DNASE1: variants seen among roughly 807,000 people sequenced by gnomAD.
DNASE1 encodes the protein deoxyribonuclease 1, also known as deoxyribonuclease-1.
DNASE1 carries 40 observed loss-of-function variants against 33.9 expected under a neutral mutation model. The ratio of observed to expected loss-of-function variants is 1.18; its 90% CI spans 0.92 to 1.54. The LOEUF is 1.54. DNASE1 is among the 40% of genes most tolerant of loss of function. The pLI is 0.00. For synonymous variants in DNASE1, 216 were observed against 160.0 expected, an observed-to-expected ratio of 1.35 and a Z score of -2.64; for missense variants, 518 against 372.6, an observed-to-expected ratio of 1.39 and a Z score of -3.21.
intron 1 of DNASE1, among the ~76,000 whole-genome samples, chr16:3,625,228 C>T (rs369382445): frequency 6.6e-6 from 1 of 152,138 alleles, no homozygotes; most frequent in Admixed American, 6.6e-5. Context: ...ATTGCTTGAG[C>T]CCTGGAGGCA....
chr16:3,630,724 A>T (rs924845067), intron 1 of DNASE1, among the ~76,000 whole-genome samples: 2 of 151,818 alleles, frequency 1.3e-5, no homozygotes, highest in African/African-American at 2.4e-5. Flanking sequence ...GTGTCTTTGG[A>T]TCTAAAGTGA....
At chr16:3,643,186 G>A (rs2042072865) in intron 1 of DNASE1, 2 of 152,864 alleles carry the variant, frequency 1.3e-5, no homozygotes, top group Non-Finnish European at 2.9e-5. Flanking sequence ...CCAAGATAGG[G>A]GCTCAGGGCT....
upstream of DNASE1, among the ~76,000 whole-genome samples, chr16:3,642,650 T>C (rs1373224234): frequency 6.6e-6 from 1 of 152,094 alleles, no homozygotes; most frequent in African/African-American, 2.4e-5. Flanking sequence ...GAGTGAGATG[T>C]GATTCGTGGT....
At position 3,624,755 on chromosome 16, in the gene DNASE1, A is replaced by G. The variant is rs909914477; in HGVS notation, c.-1359+12749A>G. 2.6e-5 allele frequency among the ~76,000 whole-genome samples: 4 copies of G among 152,308 alleles called. No homozygotes were observed. The South Asian group carries it at 8.3e-4, about 32-fold the overall frequency. On this transcript the variant is annotated intron_variant and NMD_transcript_variant, in intron 1 of 11. Transcript: ENST00000570769. The stretch of plus-strand genomic sequence containing the variant: ...GAGTGCAGTAGTGGGAACTTGGGTC[A>G]CTGCATCCTCTGCCTCCCAGGCTCA...
downstream of DNASE1, chr16:3,661,938 G>C (rs757319468): frequency 6.5e-7 from 1 of 1,539,746 alleles, no homozygotes; most frequent in Admixed American, 1.9e-5. Context: ...ACCACACACA[G>C]GATTCTGGGG....
chr16:3,655,862 A>AT lies in DNASE1; in HGVS notation c.162dup (p.Asp55Ter), dbSNP rs759684693. The stretch of plus-strand genomic sequence containing the variant: ...CCCTGCCCCCAGATCCTGAGCCGCT[A>AT]TGACATCGCCCTGGTCCAGGAGGTC... On this transcript the variant is annotated frameshift_variant, in exon 3 of 9. Transcript: ENST00000246949. LOFTEE classifies it high-confidence loss of function. 1.9e-6 allele frequency: 3 copies of AT among 1,613,346 alleles called. No homozygotes were observed. The highest frequency in any genetic ancestry group is 1.3e-5 in the African/African-American group (1 of 74,912).
At position 3,656,979 on chromosome 16, in the gene DNASE1, C is replaced by A. The variant is rs149357200; in HGVS notation, c.437-20C>A. On this transcript the variant is annotated intron_variant, in intron 5 of 8. Coordinates refer to ENST00000246949, the MANE Select transcript of DNASE1 (RefSeq NM_005223.4). ...CTGCCCCCAGGGAGTGTGCCTCACA[C>A]GACGTGGCTGTCTCCACAGAGGTCA... The A allele has an allele frequency of 8.7e-6, 14 of 1,611,190 alleles. No individual in the cohort carries two copies. The highest frequency in any genetic ancestry group is 1.2e-5 in the Non-Finnish European group (14 of 1,179,050).
At chr16:3,617,275 G>A (rs1490408005) in intron 1 of DNASE1, among the ~76,000 whole-genome samples, 2 of 132,968 alleles carry the variant, frequency 1.5e-5, no homozygotes, top group Non-Finnish European at 3.1e-5. Flanking sequence ...GCGGTGAGCC[G>A]AGATCGCACC....
rs558935283 is a variant in DNASE1 at position 3,663,953 on chromosome 16, C to T, written c.*6000C>T. 35 of 347,712 alleles carry T rather than the reference C, an allele frequency of 1.0e-4. No homozygotes were observed. In the East Asian group the frequency reaches 1.3e-3, roughly 13 times the overall value. 21.5% of individuals were successfully genotyped at this position (347,712 alleles called of 1,614,324 possible). A position where few individuals can be genotyped will look rare whatever the true frequency, so the allele number is the denominator to read the frequency against. On this transcript the variant is annotated 3_prime_UTR_variant, in exon 10 of 10. Transcript: ENST00000407479. ...TGGTGTGCACCTGTAGTCCCAGCTACTCAGGAGGCTGAGGCAGGAGAATGA... is the reference window on the plus strand; with the variant it reads ...TGGTGTGCACCTGTAGTCCCAGCTATTCAGGAGGCTGAGGCAGGAGAATGA...
chr16:3,628,703 C>T (rs1267229301), intron 1 of DNASE1, among the ~76,000 whole-genome samples: 2 of 151,174 alleles, frequency 1.3e-5, no homozygotes, highest in South Asian at 2.1e-4. Context: ...GGACTATAGG[C>T]GCCCGCCACC....
At position 3,616,546 on chromosome 16, in the gene DNASE1, A is replaced by G. The variant is rs187292007; in HGVS notation, c.-1359+4540A>G. On this transcript the variant is annotated intron_variant and NMD_transcript_variant, in intron 1 of 11. Coordinates refer to the DNASE1 transcript ENST00000570769. ...TGAGGCGGGAGAATCCCTTGAACCCAGGAGATGGAGGTTGCAGTGATCCAA... is the reference window on the plus strand; with the variant it reads ...TGAGGCGGGAGAATCCCTTGAACCCGGGAGATGGAGGTTGCAGTGATCCAA... Among the ~76,000 whole-genome samples the G allele has an allele frequency of 9.4e-3, 1,437 of 152,308 alleles. 8 individuals are homozygous for G. The highest frequency in any genetic ancestry group is 0.014 in the Non-Finnish European group (946 of 68,012).
At chr16:3,662,193 A>ATCTT, downstream of DNASE1, 1 of 1,568,158 alleles carries the variant, frequency 6.4e-7, no homozygotes, top group Admixed American at 1.8e-5. Flanking sequence ...GGCTGGCAGG[A>ATCTT]TCTTACCAGG....
chr16:3,639,282 C>T (rs1039060470), upstream of DNASE1, among the ~76,000 whole-genome samples: 1 of 152,202 alleles, frequency 6.6e-6, no homozygotes, highest in South Asian at 2.1e-4. Flanking sequence ...TTGCTTACAG[C>T]TGTCTGTGAC....
chr16:3,664,163 G>A, exon 10 of DNASE1: 1 of 1,219,998 alleles, frequency 8.2e-7, no homozygotes, highest in Non-Finnish European at 1.1e-6. Context: ...CTGACCCACT[G>A]TGCAGCCCTG....
upstream of DNASE1, chr16:3,653,804 CTCAAAAAA>C (rs2042422083): frequency 1.6e-5 from 1 of 61,824 alleles, no homozygotes; most frequent in Non-Finnish European, 2.5e-5. Context: ...AAGATTCCGC[CTCAAAAAA>C]AAAAAAAAAA....
intron 1 of DNASE1, among the ~76,000 whole-genome samples, chr16:3,630,154 T>C (rs2041651549): frequency 6.6e-6 from 1 of 151,646 alleles, no homozygotes; most frequent in Admixed American, 6.6e-5. Context: ...TGTGTGTGTG[T>C]TTGTTGTTGT....
intron 1 of DNASE1, among the ~76,000 whole-genome samples, chr16:3,625,617 TG>T (rs2041483897): frequency 1.3e-5 from 2 of 151,704 alleles, no homozygotes; most frequent in Non-Finnish European, 2.9e-5. Flanking sequence ...AGCAAGACCC[TG>T]TGTCAAAAAA....
At position 3,657,998 on chromosome 16, in the gene DNASE1, A is replaced by C; in HGVS notation, c.*45A>C. 1.9e-6 allele frequency: 3 copies of C among 1,611,828 alleles called. No individual in the cohort carries two copies. Among genetic ancestry groups the C allele is most frequent in the Non-Finnish European group, 1.7e-6 (2 of 1,178,994 alleles). On this transcript the variant is annotated 3_prime_UTR_variant, in exon 9 of 9. Transcript: ENST00000246949. ...GTTGAACTGCAGGAAGAGAGGACCC[A>C]TCCTGCCACAGGACCCAGAAAAAAA...
upstream of DNASE1, among the ~76,000 whole-genome samples, chr16:3,640,285 C>T (rs189396069): frequency 3.3e-3 from 509 of 152,332 alleles, 4 homozygotes; most frequent in African/African-American, 0.012. Flanking sequence ...AGACCCTCTG[C>T]AGATCCTGGC....
Sources: allele counts gnomAD v4.1 joint callset (sites outside exome capture counted in the v4.1 genomes callset), GRCh38; gene constraint gnomAD v4.1.1; transcripts MANE v1.5; gene names NCBI Gene and HGNC (gene_info 2026-07-23, HGNC 2026-07-21).